Variants in NBAS observed in about 807,000 individuals in gnomAD.
NBAS encodes NBAS subunit of NRZ tethering complex.
Under a neutral mutation model 302.5 loss-of-function variants are expected in NBAS, and 219 were observed. That is an observed-to-expected ratio of 0.72 (90% CI 0.65 to 0.81). NBAS has a LOEUF of 0.81. Ranked by LOEUF, NBAS falls within the 30% of genes least tolerant of loss-of-function variation. NBAS has a pLI of 0.00. For synonymous variants in NBAS, 1,118 were observed against 1,021.6 expected (o/e 1.09, Z -1.80); for missense variants, 2,932 against 2,841.6 (o/e 1.03, Z -0.72).
At chr2:15,054,571 A>G in the NBAS span, among the ~76,000 whole-genome samples, 1 of 152,214 alleles carries the variant, frequency 6.6e-6, no homozygotes, top group Non-Finnish European at 1.5e-5. Flanking sequence ...CTCAAACTCC[A>G]TAACGTTATG....
chr2:14,905,536 C>T, the NBAS span, among the ~76,000 whole-genome samples: 2 of 152,170 alleles, frequency 1.3e-5, no homozygotes, highest in African/African-American at 4.8e-5. Flanking sequence ...CTGTGGACTC[C>T]TCAGGGAATA....
At chr2:15,034,553 A>G in the NBAS span, among the ~76,000 whole-genome samples, 1 of 152,178 alleles carries the variant, frequency 6.6e-6, no homozygotes, top group African/African-American at 2.4e-5. Context: ...AAGCCTTGAC[A>G]AAAAGCAAAG....
the NBAS span, among the ~76,000 whole-genome samples, chr2:14,958,687 T>C: frequency 4.6e-5 from 7 of 152,216 alleles, no homozygotes; most frequent in African/African-American, 1.7e-4. Flanking sequence ...GCTTTGCTTT[T>C]GAGAAAGTAA....
chr2:15,208,728 A>C (rs753568026), intron 48 of NBAS, among the ~76,000 whole-genome samples: 2 of 152,192 alleles, frequency 1.3e-5, no homozygotes, highest in African/African-American at 2.4e-5. Flanking sequence ...TGAAGAAGGA[A>C]ACTGAAAAAT....
At chr2:15,132,111 CA>C in the NBAS span, among the ~76,000 whole-genome samples, 5 of 152,190 alleles carry the variant, frequency 3.3e-5, no homozygotes, top group African/African-American at 1.2e-4. Flanking sequence ...TAGGTCCACA[CA>C]AAAACCTGCA....
the NBAS span, among the ~76,000 whole-genome samples, chr2:15,025,804 C>T: frequency 1.3e-5 from 2 of 152,114 alleles, no homozygotes; most frequent in Non-Finnish European, 2.9e-5. Flanking sequence ...TATTTTTGCA[C>T]ATTGATTTTG....
chr2:15,132,452 G>A, the NBAS span, among the ~76,000 whole-genome samples: 35 of 152,118 alleles, frequency 2.3e-4, no homozygotes, highest in African/African-American at 6.8e-4. Flanking sequence ...ATTTTTAAGG[G>A]CAGTGGATTT....
the NBAS span, among the ~76,000 whole-genome samples, chr2:15,081,375 T>C: frequency 3.3e-5 from 5 of 152,160 alleles, no homozygotes; most frequent in East Asian, 1.9e-4. Flanking sequence ...AGGTCGTTTA[T>C]GGATCTCCTC....
the NBAS span, among the ~76,000 whole-genome samples, chr2:14,795,419 T>C: frequency 6.6e-6 from 1 of 151,934 alleles, no homozygotes; most frequent in East Asian, 1.9e-4. Flanking sequence ...ATTCAAATAT[T>C]GGTCCATATA....
chr2:14,826,895 G>C, the NBAS span, among the ~76,000 whole-genome samples: 1 of 152,206 alleles, frequency 6.6e-6, no homozygotes, highest in African/African-American at 2.4e-5. Context: ...TGGAATGCTA[G>C]AGAACATGTT....
the NBAS span, among the ~76,000 whole-genome samples, chr2:14,920,217 A>G: frequency 1.3e-5 from 2 of 152,184 alleles, no homozygotes; most frequent in African/African-American, 2.4e-5. Context: ...GTGTCTAGGT[A>G]CATTGTCAAT....
the NBAS span, among the ~76,000 whole-genome samples, chr2:14,963,781 C>T: frequency 6.6e-6 from 1 of 152,202 alleles, no homozygotes; most frequent in Admixed American, 6.5e-5. Flanking sequence ...CTGGACTTCA[C>T]CACATGTGCT....
chr2:15,503,990 T>C (rs1377098354), intron 11 of NBAS, among the ~76,000 whole-genome samples, 155 bp downstream of exon 11: 1 of 152,214 alleles, frequency 6.6e-6, no homozygotes, highest in Admixed American at 6.5e-5. Flanking sequence ...GCACCAGCTC[T>C]ATGAATTCTT....
intron 4 of NBAS, among the ~76,000 whole-genome samples, chr2:15,553,817 T>C (rs1447317891): frequency 5.8e-4 from 68 of 117,662 alleles, no homozygotes; most frequent in African/African-American, 2.2e-3. Flanking sequence ...TCCCTCCCTC[T>C]CTCCCTCTCT....
At chr2:15,525,637 C>T (rs1662881134) in intron 9 of NBAS, among the ~76,000 whole-genome samples, 2 of 152,106 alleles carry the variant, frequency 1.3e-5, no homozygotes, top group Admixed American at 1.3e-4. Context: ...TTCAAAAGTA[C>T]AGCTTCTCCC....
chr2:15,442,371 T>C (rs931748215), intron 21 of NBAS, among the ~76,000 whole-genome samples: 2 of 150,536 alleles, frequency 1.3e-5, no homozygotes, highest in African/African-American at 4.9e-5. Context: ...CTCAACTACA[T>C]GGAAACTGAA....
chr2:15,145,864 C>T, the NBAS span, among the ~76,000 whole-genome samples: 1 of 152,100 alleles, frequency 6.6e-6, no homozygotes, highest in African/African-American at 2.4e-5. Flanking sequence ...ATGAAGGATT[C>T]TGATGCATGC....
the NBAS span, among the ~76,000 whole-genome samples, chr2:14,898,177 T>C: frequency 1.3e-5 from 2 of 152,224 alleles, no homozygotes; most frequent in African/African-American, 4.8e-5. Flanking sequence ...TTTTTATTGA[T>C]TTTGTGAGGA....
At position 15,179,059 on chromosome 2, in the gene NBAS, T is replaced by G. The variant is rs770936157; in HGVS notation, c.6769A>C (p.Lys2257Gln). ...TCATCTCGGCTCTCGAGGAGAAGTTTCAGAGATGGAAGCAGGAGGGACTGG... is the reference window on the plus strand; with the variant it reads ...TCATCTCGGCTCTCGAGGAGAAGTTGCAGAGATGGAAGCAGGAGGGACTGG... Reference protein sequence around the residue: ...LNQSLLLPSLKLLLESRDEHL... With the variant: ...LNQSLLLPSLQLLLESRDEHL... Residue 2257 changes from lysine to glutamine, a missense_variant, in exon 51 of 52, where the codon AAA becomes CAA. Coordinates refer to ENST00000281513, the MANE Select transcript of NBAS (RefSeq NM_015909.4). The G allele has an allele frequency of 8.7e-6, 14 of 1,614,138 alleles. No homozygotes were observed. Among genetic ancestry groups the G allele is most frequent in the Non-Finnish European group, 1.1e-5 (13 of 1,180,026 alleles).
Sources: gnomAD v4.1 joint callset for allele counts (sites outside exome capture counted in the v4.1 genomes callset) on GRCh38, gnomAD v4.1.1 for gene constraint, MANE v1.5 for transcripts, NCBI Gene and HGNC (gene_info 2026-07-23, HGNC 2026-07-21) for gene names.